Variants in CLTC observed in about 807,000 individuals in gnomAD.
CLTC encodes clathrin heavy chain, also known as clathrin heavy chain 1.
A neutral mutation model predicts 195.8 loss-of-function variants in CLTC; 16 were observed. That is an observed-to-expected ratio of 0.08 (90% CI 0.06 to 0.12). The LOEUF is 0.12. Ranked by LOEUF, CLTC falls within the 10% of genes least tolerant of loss-of-function variation. CLTC has a pLI of 1.00. For missense variants in CLTC, 796 were observed against 2,027.0 expected (o/e 0.39, Z 11.66); for synonymous variants, 667 against 689.4 (o/e 0.97, Z 0.51).
intron 1 of CLTC, among the ~76,000 whole-genome samples, chr17:59,629,227 G>T (rs1395546803): frequency 6.6e-6 from 1 of 152,100 alleles, no homozygotes; most frequent in Admixed American, 6.6e-5. Context: ...TCTAAGGCAG[G>T]TTTCTTTATT....
intron 30 of CLTC, among the ~76,000 whole-genome samples, chr17:59,686,149 C>T (rs752530942): frequency 1.3e-5 from 2 of 151,470 alleles, no homozygotes; most frequent in African/African-American, 2.4e-5. Context: ...TTGTAGATTC[C>T]CTTTTATTTG....
intron 1 of CLTC, among the ~76,000 whole-genome samples, chr17:59,622,663 C>T (rs1323806078): frequency 2.0e-5 from 3 of 152,102 alleles, no homozygotes; most frequent in Admixed American, 6.5e-5. Flanking sequence ...TGTGAACCAC[C>T]GAGCCCAACT....
intron 2 of CLTC, among the ~76,000 whole-genome samples, chr17:59,646,434 C>CAAAGCTGT (rs1310061585): frequency 2.0e-5 from 3 of 152,068 alleles, no homozygotes; most frequent in African/African-American, 4.8e-5. Context: ...GGTTGTAGTA[C>CAAAGCTGT]AAAGCTGTAT....
intron 1 of CLTC, among the ~76,000 whole-genome samples, chr17:59,636,146 A>G (rs978119304): frequency 1.3e-5 from 2 of 152,146 alleles, no homozygotes; most frequent in African/African-American, 4.8e-5. Flanking sequence ...AAAAAAAAAA[A>G]AACAGTCTAT....
At chr17:59,639,005 G>A (rs1316341623) in intron 1 of CLTC, among the ~76,000 whole-genome samples, 1 of 152,170 alleles carries the variant, frequency 6.6e-6, no homozygotes, top group East Asian at 1.9e-4. Flanking sequence ...AGAATAAATA[G>A]GGAATAAATT....
intron 2 of CLTC, among the ~76,000 whole-genome samples, chr17:59,645,534 G>A (rs2032168199): frequency 6.6e-6 from 1 of 152,058 alleles, no homozygotes; most frequent in African/African-American, 2.4e-5. Flanking sequence ...AAAGGCATTC[G>A]ATTGCCTGCT....
At position 59,648,418 on chromosome 17, in the gene CLTC, G is replaced by A. The variant is rs753987631; in HGVS notation, c.681+17G>A. On this transcript the variant is annotated intron_variant, in intron 4 of 31. Coordinates refer to ENST00000269122, the MANE Select transcript of CLTC (RefSeq NM_004859.4). This position sits in a 1 kb window ranked among gnomAD's most constrained non-coding sequence, Gnocchi z 4.5. ...GGAGGGAAGGTAAGTTTTGGCTTTG[G>A]TAATTATTTTAATGAGAACTTGTAT... The A allele has an allele frequency of 1.2e-6, 2 of 1,603,982 alleles. No homozygotes were observed. Among genetic ancestry groups the A allele is most frequent in the African/African-American group, 1.3e-5 (1 of 74,590 alleles).
chr17:59,627,909 GT>G (rs1028399858), intron 1 of CLTC, among the ~76,000 whole-genome samples: 10 of 152,174 alleles, frequency 6.6e-5, no homozygotes, highest in African/African-American at 2.4e-4. Context: ...ATGTTTTTGT[GT>G]TTATGCCAAG....
chr17:59,662,564 G>A (rs1275261173), intron 8 of CLTC, among the ~76,000 whole-genome samples: 1 of 152,172 alleles, frequency 6.6e-6, no homozygotes, highest in Non-Finnish European at 1.5e-5. Flanking sequence ...AAAGCACTCT[G>A]AATAGTGAAT....
intron 5 of CLTC, among the ~76,000 whole-genome samples, chr17:59,653,643 C>T (rs2032387432): frequency 6.6e-6 from 1 of 152,048 alleles, no homozygotes; most frequent in Non-Finnish European, 1.5e-5. Context: ...CCTTGGAACT[C>T]CTGGGCTCAA....
intron 1 of CLTC, among the ~76,000 whole-genome samples, chr17:59,629,254 C>T (rs1344465966): frequency 1.3e-5 from 2 of 152,132 alleles, no homozygotes; most frequent in East Asian, 3.9e-4. Context: ...CAGATATCCT[C>T]AGGAAAGAGT....
intron 6 of CLTC, among the ~76,000 whole-genome samples, chr17:59,659,376 A>G (rs2032553353): frequency 6.6e-6 from 1 of 151,866 alleles, no homozygotes; most frequent in Non-Finnish European, 1.5e-5. Flanking sequence ...AGGGTAGGTA[A>G]TTTTCCAAAC....
chr17:59,658,873 T>C (rs2032540468), intron 6 of CLTC: 3 of 152,170 alleles, frequency 2.0e-5, no homozygotes, highest in African/African-American at 7.2e-5. Flanking sequence ...ATTACTTCCT[T>C]TAAATAAGCC....
rs541710398 is a variant in CLTC, at chr17:59,696,670, C to T, written c.*2818C>T. On this transcript the variant is annotated 3_prime_UTR_variant, in exon 32 of 32. Coordinates refer to ENST00000269122, the MANE Select transcript of CLTC (RefSeq NM_004859.4). ...TCTAAAGATCAAAAGGGAAAAAAGG[C>T]ACCCTTAATTGTCAAAGTTAGTTCT... 1.7e-4 allele frequency: 35 copies of T among 210,732 alleles called. 1 individual carries two copies. The South Asian group carries it at 3.0e-3, about 18-fold the overall frequency. The allele number at this position is 210,732 out of a possible 1,614,324, so 13.1% of individuals were successfully genotyped here. A position where few individuals can be genotyped will look rare whatever the true frequency, so the allele number is the denominator to read the frequency against.
At chr17:59,669,675 A>G (rs1278659060) in intron 14 of CLTC, among the ~76,000 whole-genome samples, 1 of 152,070 alleles carries the variant, frequency 6.6e-6, no homozygotes, top group Non-Finnish European at 1.5e-5. Flanking sequence ...AAACTACAGA[A>G]CACTTAGATT....
intron 14 of CLTC, chr17:59,670,919 C>A (rs973176330): frequency 6.6e-6 from 1 of 152,188 alleles, no homozygotes; most frequent in Admixed American, 6.5e-5. Flanking sequence ...AGACCTGTTT[C>A]AAATTCTACT....
chr17:59,629,497 GGC>G (rs2143450700), intron 1 of CLTC, among the ~76,000 whole-genome samples: 1 of 151,312 alleles, frequency 6.6e-6, no homozygotes, highest in East Asian at 1.9e-4. Flanking sequence ...AGTCCATTCG[GGC>G]ATGTTTCTAG....
chr17:59,625,652 A>G (rs2031527973), intron 1 of CLTC, among the ~76,000 whole-genome samples: 1 of 152,178 alleles, frequency 6.6e-6, no homozygotes, highest in Non-Finnish European at 1.5e-5. Context: ...TCGTCTCTAT[A>G]TTAAACAAAC....
At position 59,695,510 on chromosome 17, in the gene CLTC, A is replaced by T. The variant is rs1409058835; in HGVS notation, c.*1658A>T. 5.7e-6 allele frequency: 1 copy of T among 176,824 alleles called. No individual in the cohort carries two copies. The highest frequency in any genetic ancestry group is 2.4e-5 in the African/African-American group (1 of 42,194). The allele number at this position is 176,824 out of a possible 1,614,324, so 11.0% of individuals were successfully genotyped here. A position where few individuals can be genotyped will look rare whatever the true frequency, so the allele number is the denominator to read the frequency against. Reference sequence around the variant, plus strand: ...CTCTACTAAAAATAAAAAATCAGCCAGGTGTGATGGTGGATGCCTATAAGA... The same window carrying T: ...CTCTACTAAAAATAAAAAATCAGCCTGGTGTGATGGTGGATGCCTATAAGA... On this transcript the variant is annotated 3_prime_UTR_variant, in exon 32 of 32. Coordinates refer to ENST00000269122, the MANE Select transcript of CLTC (RefSeq NM_004859.4).
Sources: gnomAD v4.1 joint callset for allele counts (sites outside exome capture counted in the v4.1 genomes callset) on GRCh38, gnomAD v4.1.1 for gene constraint, Gnocchi (gnomAD v3.1) non-coding constraint, MANE v1.5 for transcripts, NCBI Gene and HGNC (gene_info 2026-07-23, HGNC 2026-07-21) for gene names.